Variants in CFAP46 observed in about 807,000 individuals in gnomAD.
The protein encoded by CFAP46 is cilia and flagella associated protein 46, also known as cilia- and flagella-associated protein 46.
CFAP46 carries 245 observed loss-of-function variants against 325.7 expected under a neutral mutation model. The ratio of observed to expected loss-of-function variants is 0.75; its 90% CI spans 0.68 to 0.84. CFAP46 has a LOEUF of 0.84. Ranked by LOEUF, CFAP46 falls within the 40% of genes least tolerant of loss-of-function variation. The pLI, the probability that CFAP46 is intolerant of heterozygous loss-of-function variation, is 0.00. For synonymous variants in CFAP46, 1,523 were observed against 1,495.9 expected (o/e 1.02, Z -0.42); for missense variants, 3,346 against 3,543.0 (o/e 0.94, Z 1.41).
intron 25 of CFAP46, among the ~76,000 whole-genome samples, chr10:132,888,260 T>C: frequency 6.6e-6 from 1 of 151,612 alleles, no homozygotes. Flanking sequence ...CTCCACACCC[T>C]GCCACCCCTC....
intron 5 of CFAP46, among the ~76,000 whole-genome samples, chr10:132,938,204 G>A (rs1053062104): frequency 4.6e-5 from 7 of 152,220 alleles, no homozygotes. Flanking sequence ...TCCTCGCAGG[G>A]CTGCCTGGGC....
intron 50 of CFAP46, among the ~76,000 whole-genome samples, chr10:132,831,485 C>A (rs888101246): frequency 1.3e-5 from 2 of 152,140 alleles, no homozygotes; most frequent in Non-Finnish European, 2.9e-5. Context: ...CTCCTCTTTA[C>A]GGAATGGCCC....
chr10:132,855,742 G>C (rs1848632614), intron 39 of CFAP46, among the ~76,000 whole-genome samples: 2 of 152,308 alleles, frequency 1.3e-5, no homozygotes, highest in East Asian at 1.9e-4. Flanking sequence ...ACTTCACGCA[G>C]AGCATAGAAA....
In CFAP46 at chr10:132,902,404, G is replaced by C. The variant is rs138230947; in HGVS notation, c.2925-2738C>G. Among the ~76,000 whole-genome samples the C allele has an allele frequency of 7.2e-3, 1,094 of 152,226 alleles. 15 individuals carry two copies. Among genetic ancestry groups the C allele is most frequent in the African/African-American group, 0.024 (988 of 41,522 alleles). ...TCGAAGTTACTGATCATTCTTCAGC[G>C]TCCAGCCTGATGATAACACTCTTCC... On this transcript the variant is annotated intron_variant, in intron 22 of 57. Coordinates refer to ENST00000368586, the MANE Select transcript of CFAP46 (RefSeq NM_001200049.3).
Position 132,926,656 on chromosome 10 carries a change from T to G in CFAP46, c.977A>C (p.Lys326Thr). The change falls in exon 10 of 58, where the codon AAG becomes ACG. Residue 326 changes from lysine (K) to threonine (T), a missense_variant. Lys to Thr is a moderately conservative substitution (Grantham distance 78). Transcript: ENST00000368586. The part of the protein sequence containing the change: ...LKKMESKDPG[K>T]LIEMECLECE... ...CTCCAGACATTCCATTTCAATAAGC[T>G]TCCCAGGATCCTGCAGATATAAACA... 1 of 1,535,890 alleles carries G rather than the reference T, an allele frequency of 6.5e-7. No homozygotes were observed. Among genetic ancestry groups the G allele is most frequent in the Non-Finnish European group, 8.7e-7 (1 of 1,146,582 alleles).
At chr10:132,942,163 G>A (rs1850115115) in intron 1 of CFAP46, 59 bp from the exon 2 acceptor site, 3 of 1,542,042 alleles carry the variant, frequency 1.9e-6, no homozygotes, top group African/African-American at 1.4e-5. Flanking sequence ...AGTGAGCCGG[G>A]CAACGCCATC....
At position 132,890,761 on chromosome 10, in the gene CFAP46, C is replaced by T. The variant is rs540173984; in HGVS notation, c.3304+1572G>A. 8.5e-5 allele frequency among the ~76,000 whole-genome samples: 13 copies of T among 152,288 alleles called. 1 individual carries two copies. Among genetic ancestry groups the T allele is most frequent in the East Asian group, 3.9e-4 (2 of 5,172 alleles). ...CAGTGGACGGACTTGCCGTGTGCGT[C>T]GGGCTCATGCCTGCAGGACCAGCAA... On this transcript the variant is annotated intron_variant, in intron 25 of 57. Transcript: ENST00000368586.
At chr10:132,819,192 A>C (rs1419390419) in intron 50 of CFAP46, among the ~76,000 whole-genome samples, 2 of 152,370 alleles carry the variant, frequency 1.3e-5, no homozygotes, top group South Asian at 4.1e-4. Flanking sequence ...AATAAATTCA[A>C]CTATCAAGTG....
At position 132,922,215 on chromosome 10, in the gene CFAP46, C is replaced by CT. The variant is rs2135611481; in HGVS notation, c.1494dup (p.Ala499SerfsTer24). On this transcript the variant is annotated frameshift_variant, in exon 13 of 58. Coordinates refer to ENST00000368586, the MANE Select transcript of CFAP46 (RefSeq NM_001200049.3). LOFTEE classifies it high-confidence loss of function. ...TTCCTGACGCTGTCCTTTGGTGTAG[C>CT]TTTTTTTGCCTGTGAAAAGCAGAGA... The CT allele has an allele frequency of 1.3e-6, 2 of 1,549,258 alleles. No individual in the cohort carries two copies. Among genetic ancestry groups the CT allele is most frequent in the East Asian group, 2.4e-5 (1 of 40,886 alleles).
At chr10:132,836,295 C>CA (rs750384160) in intron 45 of CFAP46, 77 bp from the exon 46 acceptor site, 381 of 1,398,500 alleles carry the variant, frequency 2.7e-4, no homozygotes, top group Admixed American at 8.2e-4. Flanking sequence ...CCAGCGACCT[C>CA]AGAGGAGCCC....
At chr10:132,916,813 G>A (rs1849647304) in intron 16 of CFAP46, 131 bp from the exon 17 acceptor site, 1 of 1,309,226 alleles carries the variant, frequency 7.6e-7, no homozygotes, top group South Asian at 1.8e-5. Context: ...CCCGTTTGCT[G>A]TGCCCTTTGC....
rs545624405 is a variant in CFAP46, at chr10:132,909,873, T to C, written c.2649+46A>G. The C allele has an allele frequency of 5.8e-6, 8 of 1,371,920 alleles. 1 individual carries two copies. Among genetic ancestry groups the C allele is most frequent in the East Asian group, 5.9e-5 (2 of 33,966 alleles). 85.0% of individuals were successfully genotyped at this position (1,371,920 alleles called of 1,614,324 possible). A position where few individuals can be genotyped will look rare whatever the true frequency, so the allele number is the denominator to read the frequency against. On this transcript the variant is annotated intron_variant, in intron 20 of 57. Transcript: ENST00000368586. ...CCCCCGGCTGTCTCAGATCTCTATGTCCACAGGGCCTCAGTCAGAGCCCAG... is the reference window on the plus strand; with the variant it reads ...CCCCCGGCTGTCTCAGATCTCTATGCCCACAGGGCCTCAGTCAGAGCCCAG...
chr10:132,846,781 A>T lies in CFAP46; in HGVS notation c.6267+151T>A, dbSNP rs142633181. On this transcript the variant is annotated intron_variant, in intron 43 of 57. Coordinates refer to ENST00000368586, the MANE Select transcript of CFAP46 (RefSeq NM_001200049.3). ...CATGTTCTCTCTGAGCCACAAGTTT[A>T]CGTGGCCGGCAGGCTCCCACTGCTT... 199 of 935,936 alleles carry T rather than the reference A, an allele frequency of 2.1e-4. 1 individual carries two copies. In the African/African-American group the frequency reaches 2.7e-3, roughly 13 times the overall value. 58.0% of individuals were successfully genotyped at this position (935,936 alleles called of 1,614,324 possible).
In CFAP46 at chr10:132,846,917, A is replaced by G; in HGVS notation, c.6267+15T>C. On this transcript the variant is annotated intron_variant, in intron 43 of 57. Transcript: ENST00000368586. ...ATGAAGGGCCTGGCTGGAGGTGGGC[A>G]GGGCAGAGACACACCTGAGACAGAG... The G allele has an allele frequency of 6.2e-7, 1 of 1,600,522 alleles. No individual in the cohort carries two copies. The highest frequency in any genetic ancestry group is 8.5e-7 in the Non-Finnish European group (1 of 1,173,722).
intron 33 of CFAP46, among the ~76,000 whole-genome samples, 161 bp from the exon 34 acceptor site, chr10:132,867,668 G>C (rs533701642): frequency 2.0e-5 from 3 of 152,246 alleles, no homozygotes; most frequent in Admixed American, 2.0e-4. Context: ...CGGCACATCC[G>C]ACTCCCAAAT....
chr10:132,900,436 G>A (rs1014911786), intron 22 of CFAP46, among the ~76,000 whole-genome samples: 3 of 152,266 alleles, frequency 2.0e-5, no homozygotes, highest in Non-Finnish European at 4.4e-5. Flanking sequence ...GCACGCCCTT[G>A]CGGCTCAGCT....
At chr10:132,920,887 G>A (rs1849712744) in intron 13 of CFAP46, among the ~76,000 whole-genome samples, 1 of 152,234 alleles carries the variant, frequency 6.6e-6, no homozygotes, top group Admixed American at 6.5e-5. Flanking sequence ...GCAGCCAGCA[G>A]CACACGCCCA....
intron 50 of CFAP46, among the ~76,000 whole-genome samples, chr10:132,825,794 C>T (rs1848035089): frequency 6.6e-6 from 1 of 152,166 alleles, no homozygotes; most frequent in Admixed American, 6.5e-5. Flanking sequence ...GATAACCCCA[C>T]AGAAGAACCG....
intron 8 of CFAP46, among the ~76,000 whole-genome samples, chr10:132,934,204 A>C (rs1849956220): frequency 6.6e-6 from 1 of 152,220 alleles, no homozygotes; most frequent in African/African-American, 2.4e-5. Flanking sequence ...AAAAATATAC[A>C]CAGTGCTACT....
Sources: gnomAD v4.1 joint callset for allele counts (sites outside exome capture counted in the v4.1 genomes callset) on GRCh38, gnomAD v4.1.1 for gene constraint, MANE v1.5 for transcripts, NCBI Gene and HGNC (gene_info 2026-07-23, HGNC 2026-07-21) for gene names.